CLNS1A: variants seen among roughly 807,000 people sequenced by gnomAD.
CLNS1A encodes the protein chloride nucleotide-sensitive channel 1A, also known as methylosome subunit pICln.
In CLNS1A, 16 loss-of-function variants were observed where a neutral mutation model predicts 29.4. The observed-to-expected ratio is 0.54, with a 90% CI of 0.37 to 0.83. The LOEUF (loss-of-function observed/expected upper bound fraction) is 0.83. CLNS1A is among the 40% of genes least tolerant of loss of function. CLNS1A has a pLI of 0.00. For missense variants in CLNS1A, 235 were observed against 287.4 expected (o/e 0.82, Z 1.32); for synonymous variants, 96 against 104.8 (o/e 0.92, Z 0.51).
chr11:77,628,539 A>G (rs1959043668), intron 2 of CLNS1A, among the ~76,000 whole-genome samples: 1 of 152,228 alleles, frequency 6.6e-6, no homozygotes, highest in Non-Finnish European at 1.5e-5. Context: ...TTGAAATCTT[A>G]TAACAAAAAT....
At chr11:77,635,838 A>G (rs1959119327) in intron 1 of CLNS1A, among the ~76,000 whole-genome samples, 1 of 152,054 alleles carries the variant, frequency 6.6e-6, no homozygotes, top group Non-Finnish European at 1.5e-5. Flanking sequence ...ATTATCAAAG[A>G]TCTCCTTGTC....
chr11:77,625,145 G>A, intron 3 of CLNS1A, 75 bp from the exon 4 acceptor site: 2 of 1,027,744 alleles, frequency 1.9e-6, no homozygotes, highest in Non-Finnish European at 2.9e-6. Flanking sequence ...AAATTTAATG[G>A]GTACACAAAA....
At chr11:77,632,631 T>TTA (rs1554980382) in intron 1 of CLNS1A, among the ~76,000 whole-genome samples, 1 of 150,038 alleles carries the variant, frequency 6.7e-6, no homozygotes, top group Admixed American at 6.7e-5. Flanking sequence ...CTTTTTTTTT[T>TTA]AAATAAAAAA....
rs537697541 is a variant in CLNS1A, at chr11:77,622,083, C to T, written c.646+417G>A. The T allele has an allele frequency of 1.6e-4, 72 of 456,504 alleles. No homozygotes were observed. The East Asian group carries it at 2.0e-3, about 13-fold the overall frequency. The allele number at this position is 456,504 out of a possible 1,614,324, so 28.3% of individuals were successfully genotyped here. A position where few individuals can be genotyped will look rare whatever the true frequency, so the allele number is the denominator to read the frequency against. The stretch of plus-strand genomic sequence containing the variant: ...TGAATTGACAGCCCTCAGAGATAAC[C>T]TATCGTGGACTTCTAGCCTCCAAAA... On this transcript the variant is annotated intron_variant, in intron 5 of 6. Coordinates refer to ENST00000525428, the MANE Select transcript of CLNS1A (RefSeq NM_001293.3).
intron 2 of CLNS1A, among the ~76,000 whole-genome samples, chr11:77,626,832 C>T (rs1043910947): frequency 6.6e-6 from 1 of 151,190 alleles, no homozygotes; most frequent in African/African-American, 2.4e-5. Context: ...GCTGGGACTA[C>T]AGGCGCCCGC....
intron 1 of CLNS1A, among the ~76,000 whole-genome samples, chr11:77,636,005 T>C (rs1959121490): frequency 6.6e-6 from 1 of 152,218 alleles, no homozygotes; most frequent in South Asian, 2.1e-4. Context: ...GAGTATACAC[T>C]AACACTTTAA....
chr11:77,628,894 TG>T (rs1218766016), intron 2 of CLNS1A, among the ~76,000 whole-genome samples: 2 of 152,206 alleles, frequency 1.3e-5, no homozygotes, highest in Non-Finnish European at 2.9e-5. Context: ...TTCTTTGTTG[TG>T]GGGGACCATC....
At chr11:77,635,701 A>G (rs140827368) in intron 1 of CLNS1A, among the ~76,000 whole-genome samples, 52 of 152,300 alleles carry the variant, frequency 3.4e-4, no homozygotes, top group Non-Finnish European at 6.8e-4. Context: ...ACTGTCCCTC[A>G]AAAGGAGTTA....
At position 77,617,367 on chromosome 11, in the gene CLNS1A, C is replaced by CAAAAA. The variant is rs71043593; in HGVS notation, c.*23-677_*23-673dup. On this transcript the variant is annotated intron_variant, in intron 6 of 6. Transcript: ENST00000525428. ...GGGCAACAAGAGCGAAACTCCATCT[C>CAAAAA]AAAAAAAAAAAAAAAAAAAAAAAAA... Among the ~76,000 whole-genome samples the CAAAAA allele has an allele frequency of 3.5e-3, 232 of 65,856 alleles. 3 individuals carry two copies. The highest frequency in any genetic ancestry group is 0.014 in the African/African-American group (209 of 15,072). 43.2% of individuals were successfully genotyped at this position (65,856 alleles called of 152,430 possible).
rs7108844 is a variant in CLNS1A, at chr11:77,620,052, T to C, written c.647-357A>G. On this transcript the variant is annotated intron_variant, in intron 5 of 6. Coordinates refer to ENST00000525428, the MANE Select transcript of CLNS1A (RefSeq NM_001293.3). ...TCCTCACAAAGTGAAAAGACAAAAA[T>C]CAGTACAGCAAGCTTTTTGCTTATT... 2.6e-3 allele frequency among the ~76,000 whole-genome samples: 397 copies of C among 152,234 alleles called. 3 individuals are homozygous for C. Among genetic ancestry groups the C allele is most frequent in the African/African-American group, 8.6e-3 (356 of 41,546 alleles).
rs147644703 is a variant in CLNS1A at position 77,631,926 on chromosome 11, T to C, written c.126-2027A>G. Among the ~76,000 whole-genome samples the C allele has an allele frequency of 2.8e-3, 426 of 152,104 alleles. 4 individuals carry two copies. The highest frequency in any genetic ancestry group is 0.02 in the East Asian group (103 of 5,140). ...CTAATTTTTGTATTTTTAATAGAGA[T>C]GGGGTTTTGCCATGACGGCCAGGCT... On this transcript the variant is annotated intron_variant, in intron 1 of 6. Transcript: ENST00000525428.
chr11:77,625,628 G>T, intron 3 of CLNS1A, 89 bp downstream of exon 3: 1 of 1,053,070 alleles, frequency 9.5e-7, no homozygotes, highest in Non-Finnish European at 1.4e-6. Flanking sequence ...GTAAAGGTGA[G>T]AGGTGTGTGT....
chr11:77,637,338 G>T (rs12418929), intron 1 of CLNS1A, among the ~76,000 whole-genome samples: 1 of 107,386 alleles, frequency 9.3e-6, no homozygotes. Context: ...AGGAAAAAAA[G>T]AAAAAAAAAA....
rs143850270 is a variant in CLNS1A at position 77,620,204 on chromosome 11, G to A, written c.647-509C>T. Among the ~76,000 whole-genome samples, 945 of 152,272 alleles carry A rather than the reference G, an allele frequency of 6.2e-3. 4 individuals are homozygous for A. Among genetic ancestry groups the A allele is most frequent in the Non-Finnish European group, 9.2e-3 (629 of 68,014 alleles). ...TCTTGAATTCCCACGTGTTGTGGGAGGGATCTGGTGGGAGGTAACTGAATT... is the reference window on the plus strand; with the variant it reads ...TCTTGAATTCCCACGTGTTGTGGGAAGGATCTGGTGGGAGGTAACTGAATT... On this transcript the variant is annotated intron_variant, in intron 5 of 6. Transcript: ENST00000525428.
chr11:77,623,476 C>A (rs1208994223), intron 4 of CLNS1A, among the ~76,000 whole-genome samples: 1 of 151,752 alleles, frequency 6.6e-6, no homozygotes, highest in Non-Finnish European at 1.5e-5. Context: ...CACCTGTAGT[C>A]TCAGCTAATC....
chr11:77,634,723 CAAAAAAA>C (rs763196921), intron 1 of CLNS1A, among the ~76,000 whole-genome samples: 2 of 54,104 alleles, frequency 3.7e-5, no homozygotes, highest in African/African-American at 7.2e-5. Context: ...GACTCTGTCT[CAAAAAAA>C]AAAAAAAAAA....
chr11:77,635,316 G>C (rs1242416110), intron 1 of CLNS1A, among the ~76,000 whole-genome samples: 1 of 150,670 alleles, frequency 6.6e-6, no homozygotes, highest in Non-Finnish European at 1.5e-5. Flanking sequence ...GGGTGTATGG[G>C]TAGTAATAAC....
At chr11:77,618,569 A>T (rs1012089845) in intron 6 of CLNS1A, 2 of 152,256 alleles carry the variant, frequency 1.3e-5, no homozygotes, top group East Asian at 1.9e-4. Context: ...CACTGGCAGG[A>T]TGTGAGAAGA....
intron 6 of CLNS1A, 182 bp downstream of exon 6, chr11:77,619,424 T>G (rs372325006): frequency 7.2e-6 from 4 of 557,940 alleles, no homozygotes; most frequent in East Asian, 3.1e-5. Flanking sequence ...CCCAGCTATT[T>G]GGGAGGGTGA....
Sources: allele counts gnomAD v4.1 joint callset (sites outside exome capture counted in the v4.1 genomes callset), GRCh38; gene constraint gnomAD v4.1.1; transcripts MANE v1.5; gene names NCBI Gene and HGNC (gene_info 2026-07-23, HGNC 2026-07-21).